Variants in RALGAPB observed in about 807,000 individuals in gnomAD.
The protein encoded by RALGAPB is Ral GTPase activating protein non-catalytic subunit beta, also known as ral GTPase-activating protein subunit beta.
RALGAPB carries 25 observed loss-of-function variants against 161.1 expected under a neutral mutation model. The ratio of observed to expected loss-of-function variants is 0.16; its 90% confidence interval spans 0.11 to 0.22. The LOEUF (loss-of-function observed/expected upper bound fraction) is 0.22, where lower values mean the gene tolerates loss of function less well. Ranked by LOEUF, RALGAPB falls within the 10% of genes least tolerant of loss-of-function variation. RALGAPB has a pLI of 1.00. For missense variants in RALGAPB, 1,391 were observed against 1,815.2 expected (o/e 0.77, Z 4.25); for synonymous variants, 629 against 626.1 (o/e 1.00, Z -0.07).
chr20:38,506,355 G>C (rs2123003415), intron 5 of RALGAPB, among the ~76,000 whole-genome samples: 1 of 151,832 alleles, frequency 6.6e-6, no homozygotes, highest in African/African-American at 2.4e-5. Flanking sequence ...ATGCAGTGGT[G>C]CAATCACAGC....
At chr20:38,531,959 A>T (rs1265540667) in intron 14 of RALGAPB, among the ~76,000 whole-genome samples, 1 of 152,212 alleles carries the variant, frequency 6.6e-6, no homozygotes, top group East Asian at 1.9e-4. Flanking sequence ...TACATACGGG[A>T]GTTAAAACTA....
rs1008516872 is a variant in RALGAPB, at chr20:38,513,278, C to T, written c.873-2914C>T. Among the ~76,000 whole-genome samples the T allele has an allele frequency of 8.0e-5, 12 of 149,192 alleles. No homozygotes were observed. In the East Asian group the frequency reaches 1.0e-3, roughly 13 times the overall value. ...CAACACTTTGGGAGGCCAAGGTGGG[C>T]GGATCCCTTGAAGTCAGGAGTTCGA... is the stretch of plus-strand genomic sequence containing the variant. On this transcript the variant is annotated intron_variant, in intron 6 of 29. Transcript: ENST00000262879.
intron 2 of RALGAPB, among the ~76,000 whole-genome samples, chr20:38,492,312 T>C (rs2085302720): frequency 6.6e-6 from 1 of 152,238 alleles, no homozygotes; most frequent in Non-Finnish European, 1.5e-5. Flanking sequence ...AGGATGTGAT[T>C]CAGCTAGGTC....
At chr20:38,573,630 A>G (rs2088324244) in intron 28 of RALGAPB, 1 of 152,202 alleles carries the variant, frequency 6.6e-6, no homozygotes, top group Non-Finnish European at 1.5e-5. Flanking sequence ...GGCTCTCCCA[A>G]CGTCCTTCCC....
At chr20:38,508,553 A>G (rs1440977357) in intron 5 of RALGAPB, among the ~76,000 whole-genome samples, 2 of 151,936 alleles carry the variant, frequency 1.3e-5, no homozygotes, top group Non-Finnish European at 2.9e-5. Context: ...CAGTATTTTA[A>G]TACTAATTAT....
In RALGAPB at chr20:38,574,935, C is replaced by T. The variant is rs780876076; in HGVS notation, c.4453C>T (p.Gln1485Ter). 2 of 1,613,776 alleles carry T rather than the reference C, an allele frequency of 1.2e-6. No individual in the cohort carries two copies. The highest frequency in any genetic ancestry group is 1.7e-5 in the Admixed American group (1 of 60,012). Residue 1485 changes from glutamine to a stop codon, truncating the protein, a stop_gained, in exon 30 of 30, where the codon CAG becomes TAG. Coordinates refer to ENST00000262879, the MANE Select transcript of RALGAPB (RefSeq NM_020336.4). LOFTEE classifies it high-confidence loss of function. ...GCCAGAGTTTTATACTTCACTTTTC[C>T]AGGAGGTTGGACTCAAGAACTGCAG... is the stretch of plus-strand genomic sequence containing the variant. ...LEPEFYTSLF[Q>*]EVGLKNCSS
At chr20:38,504,474 A>G (rs910457566) in intron 5 of RALGAPB, among the ~76,000 whole-genome samples, 2 of 152,224 alleles carry the variant, frequency 1.3e-5, no homozygotes, top group African/African-American at 4.8e-5. Flanking sequence ...TCAAGCTATA[A>G]GAATACTAGA....
chr20:38,479,277 C>G (rs2084894416), intron 1 of RALGAPB, among the ~76,000 whole-genome samples: 1 of 152,180 alleles, frequency 6.6e-6, no homozygotes, highest in Non-Finnish European at 1.5e-5. Flanking sequence ...TAACTGATGT[C>G]TGGATGTACT....
intron 5 of RALGAPB, among the ~76,000 whole-genome samples, chr20:38,505,095 A>G (rs1016422690): frequency 4.6e-5 from 7 of 152,158 alleles, no homozygotes; most frequent in Non-Finnish European, 8.8e-5. Flanking sequence ...TCCAAAAGAA[A>G]ACAAATTGTT....
intron 3 of RALGAPB, among the ~76,000 whole-genome samples, chr20:38,497,035 A>G (rs1042080489): frequency 6.6e-6 from 1 of 152,178 alleles, no homozygotes; most frequent in Non-Finnish European, 1.5e-5. Context: ...ACAAAAACCT[A>G]TTGAGTGTCT....
intron 5 of RALGAPB, chr20:38,499,882 C>A: frequency 3.5e-6 from 1 of 283,256 alleles, no homozygotes; most frequent in Non-Finnish European, 6.5e-6. Context: ...AAATTCCACT[C>A]TTATTTTGAT....
At chr20:38,494,764 T>G (rs1384919930) in intron 3 of RALGAPB, among the ~76,000 whole-genome samples, 2 of 152,246 alleles carry the variant, frequency 1.3e-5, no homozygotes, top group Non-Finnish European at 2.9e-5. Flanking sequence ...CCTACTAGGC[T>G]TTTTCTTCGT....
At chr20:38,513,119 G>A (rs2086015256) in intron 6 of RALGAPB, among the ~76,000 whole-genome samples, 1 of 151,714 alleles carries the variant, frequency 6.6e-6, no homozygotes, top group African/African-American at 2.4e-5. Flanking sequence ...TATAATAATA[G>A]CACTTTTGGA....
chr20:38,569,678 A>G, intron 26 of RALGAPB: 3 of 483,822 alleles, frequency 6.2e-6, no homozygotes, highest in Admixed American at 3.2e-5. Context: ...TTCTTTGACA[A>G]TTTTAAGCCT....
chr20:38,475,727 G>C (rs960452195), intron 1 of RALGAPB, among the ~76,000 whole-genome samples: 1 of 150,490 alleles, frequency 6.6e-6, no homozygotes, highest in African/African-American at 2.4e-5. Flanking sequence ...CGATTCTCCT[G>C]CCTCAGCCTC....
intron 10 of RALGAPB, among the ~76,000 whole-genome samples, chr20:38,523,222 C>A (rs2086348399): frequency 6.6e-6 from 1 of 152,122 alleles, no homozygotes; most frequent in African/African-American, 2.4e-5. Flanking sequence ...ATTAGTATCT[C>A]TGAATTTTAA....
intron 5 of RALGAPB, among the ~76,000 whole-genome samples, chr20:38,505,281 T>C (rs1280984428): frequency 1.3e-5 from 2 of 152,220 alleles, no homozygotes; most frequent in Non-Finnish European, 2.9e-5. Flanking sequence ...TGTAGCAACA[T>C]GGATGCAGCT....
chr20:38,520,753 T>C (rs1302324067), intron 9 of RALGAPB, among the ~76,000 whole-genome samples: 1 of 152,126 alleles, frequency 6.6e-6, no homozygotes, highest in Non-Finnish European at 1.5e-5. Flanking sequence ...TAATAAAAGA[T>C]TTCAGAGTGA....
intron 6 of RALGAPB, among the ~76,000 whole-genome samples, chr20:38,512,996 A>G (rs182312401): frequency 7.2e-5 from 11 of 152,098 alleles, no homozygotes; most frequent in African/African-American, 2.6e-4. Flanking sequence ...TCTTGACCTC[A>G]TGATCCGCCT....
Sources: allele counts gnomAD v4.1 joint callset (sites outside exome capture counted in the v4.1 genomes callset), GRCh38; gene constraint gnomAD v4.1.1; transcripts MANE v1.5; gene names NCBI Gene and HGNC (gene_info 2026-07-23, HGNC 2026-07-21).